The following RPF2 variants were observed in gnomAD, a reference collection of about 807,000 sequenced individuals.
The protein encoded by RPF2 is brix domain containing 1.
RPF2 carries 21 observed loss-of-function variants against 38.9 expected under a neutral mutation model. The observed-to-expected ratio is 0.54, with a 90% CI of 0.38 to 0.78. The LOEUF (loss-of-function observed/expected upper bound fraction) is 0.78. Among genes scored for constraint, RPF2 ranks in the 30% least tolerant of loss-of-function variants. The pLI is 0.00. For synonymous variants in RPF2, 121 were observed against 126.2 expected (o/e 0.96, Z 0.28); for missense variants, 314 against 358.1 (o/e 0.88, Z 0.99).
Position 111,015,774 on chromosome 6 carries a change from G to A in RPF2, c.514G>A (p.Val172Ile). The A allele has an allele frequency of 6.2e-7, 1 of 1,610,358 alleles. No individual in the cohort carries two copies. The highest frequency in any genetic ancestry group is 8.5e-7 in the Non-Finnish European group (1 of 1,177,020). ...LLIDFFRGPT[V>I]SNIRLAGLEY... Reference sequence around the variant, plus strand: ...TTTAGATTTCTTCAGAGGCCCCACAGTATCAAATATCCGCCTGGCTGGATT... The same window carrying A: ...TTTAGATTTCTTCAGAGGCCCCACAATATCAAATATCCGCCTGGCTGGATT... The change falls in exon 8 of 10, where the codon GTA (valine) becomes ATA (isoleucine). Residue 172 changes from valine (V) to isoleucine (I), a missense_variant. Val to Ile is a conservative substitution (Grantham distance 29, BLOSUM62 3). Transcript: ENST00000441448.
At chr6:110,985,934 TCAA>T (rs1562365051) in intron 2 of RPF2, among the ~76,000 whole-genome samples, 1 of 112,526 alleles carries the variant, frequency 8.9e-6, no homozygotes. Flanking sequence ...AGACTCCATT[TCAA>T]AAAAAAAAAA....
chr6:111,009,418 C>T (rs1343728512), intron 7 of RPF2, among the ~76,000 whole-genome samples: 2 of 151,400 alleles, frequency 1.3e-5, no homozygotes, highest in South Asian at 4.2e-4. Flanking sequence ...GTCTTGAACT[C>T]CTGACTTCAG....
chr6:111,021,451 A>G (rs998150333), intron 8 of RPF2, among the ~76,000 whole-genome samples: 2 of 152,230 alleles, frequency 1.3e-5, no homozygotes, highest in Non-Finnish European at 2.9e-5. Flanking sequence ...CATGTGGATC[A>G]GCTTAGCTTC....
intron 3 of RPF2, among the ~76,000 whole-genome samples, chr6:110,991,314 A>T (rs1771615698): frequency 6.7e-6 from 1 of 150,204 alleles, no homozygotes; most frequent in African/African-American, 2.4e-5. Flanking sequence ...TTTTTTAGAG[A>T]CGGGGTCTCA....
intron 7 of RPF2, among the ~76,000 whole-genome samples, chr6:111,011,373 C>T (rs1055575990): frequency 2.0e-5 from 3 of 148,084 alleles, no homozygotes; most frequent in South Asian, 2.2e-4. Context: ...CTGCAACCTC[C>T]ACCTCCCAGG....
chr6:110,987,184 C>T (rs1484165199), intron 2 of RPF2, among the ~76,000 whole-genome samples: 1 of 151,946 alleles, frequency 6.6e-6, no homozygotes, highest in African/African-American at 2.4e-5. Context: ...TCTCCTGCCT[C>T]TAGCCTCCCA....
chr6:110,989,141 G>A, intron 3 of RPF2, 76 bp downstream of exon 3: 1 of 1,341,362 alleles, frequency 7.5e-7, no homozygotes, highest in Non-Finnish European at 9.7e-7. Context: ...TGGAAGATTT[G>A]GAAAACAAAA....
chr6:110,994,206 T>C (rs6930266), intron 4 of RPF2, among the ~76,000 whole-genome samples: 13,749 of 149,612 alleles, frequency 0.092, 692 homozygotes, highest in African/African-American at 0.12. Flanking sequence ...ACCCGGGAGG[T>C]GGAGGTTGCG....
At chr6:111,015,986 C>A (rs1045975837) in intron 8 of RPF2, 130 bp downstream of exon 8, 2 of 679,192 alleles carry the variant, frequency 2.9e-6, no homozygotes, top group African/African-American at 1.8e-5. Context: ...GGCAGGATAG[C>A]AGTGACAGCA....
intron 8 of RPF2, among the ~76,000 whole-genome samples, chr6:111,019,846 T>G (rs1333952608): frequency 1.3e-5 from 2 of 152,194 alleles, no homozygotes; most frequent in African/African-American, 4.8e-5. Context: ...CCCCAAGATA[T>G]CTCATTATAC....
At chr6:111,011,341 GC>G (rs1772011521) in intron 7 of RPF2, among the ~76,000 whole-genome samples, 1 of 135,290 alleles carries the variant, frequency 7.4e-6, no homozygotes, top group Admixed American at 8.0e-5. Context: ...TCACTCTGTT[GC>G]CCTGGCATGA....
At chr6:111,024,825 AAAAG>A (rs1238990316) in intron 9 of RPF2, among the ~76,000 whole-genome samples, 1 of 152,206 alleles carries the variant, frequency 6.6e-6, no homozygotes, top group East Asian at 1.9e-4. Flanking sequence ...GGATAATAAA[AAAAG>A]AGTTGCAAAA....
At chr6:111,013,400 G>GT (rs1772052726) in intron 7 of RPF2, among the ~76,000 whole-genome samples, 1 of 152,070 alleles carries the variant, frequency 6.6e-6, no homozygotes, top group Non-Finnish European at 1.5e-5. Flanking sequence ...ATGCCCTCCC[G>GT]TTTTCATTCA....
At chr6:110,994,278 TAAA>T (rs5879084) in intron 4 of RPF2, among the ~76,000 whole-genome samples, 1 of 135,276 alleles carries the variant, frequency 7.4e-6, no homozygotes. Context: ...TCCATCTCAA[TAAA>T]AAAAAAAAAA....
intron 6 of RPF2, among the ~76,000 whole-genome samples, chr6:111,000,046 G>GTTTA (rs148390987): frequency 0.36 from 53,811 of 151,510 alleles, 10,472 homozygotes; most frequent in East Asian, 0.67. Flanking sequence ...CTAGGCCATA[G>GTTTA]TTTTTTTATT....
At chr6:111,017,678 C>T (rs1772150871) in intron 8 of RPF2, among the ~76,000 whole-genome samples, 1 of 148,476 alleles carries the variant, frequency 6.7e-6, no homozygotes, top group East Asian at 2.0e-4. Context: ...AGACACTCCT[C>T]ACTTCCTAGA....
intron 8 of RPF2, among the ~76,000 whole-genome samples, chr6:111,020,347 G>C (rs926110728): frequency 6.6e-6 from 1 of 152,142 alleles, no homozygotes; most frequent in African/African-American, 2.4e-5. Context: ...GGGTATGTAT[G>C]CCCTCTGTGT....
chr6:111,018,397 T>C (rs1022678198), intron 8 of RPF2, among the ~76,000 whole-genome samples: 4 of 152,198 alleles, frequency 2.6e-5, no homozygotes, highest in African/African-American at 9.6e-5. Flanking sequence ...TTTTGAGCTA[T>C]GGTGTGGCTG....
intron 4 of RPF2, among the ~76,000 whole-genome samples, chr6:110,992,217 G>A (rs1771633064): frequency 6.6e-6 from 1 of 152,034 alleles, no homozygotes; most frequent in Admixed American, 6.6e-5. Context: ...GGCTGAGGCA[G>A]GATAGTCACT....
Sources: gnomAD v4.1 joint callset for allele counts (sites outside exome capture counted in the v4.1 genomes callset) on GRCh38, gnomAD v4.1.1 for gene constraint, MANE v1.5 for transcripts, NCBI Gene and HGNC (gene_info 2026-07-23, HGNC 2026-07-21) for gene names.